GADL1: variants seen among roughly 807,000 people sequenced by gnomAD.
GADL1 encodes acidic amino acid decarboxylase GADL1.
In GADL1, 71 loss-of-function variants were observed where a neutral mutation model predicts 69.5. The observed-to-expected ratio is 1.02, with a 90% CI of 0.84 to 1.25. GADL1 has a LOEUF of 1.25. Ranked by LOEUF, GADL1 falls within the 50% of genes most tolerant of loss-of-function variation. The pLI, the probability that GADL1 is intolerant of heterozygous loss-of-function variation, is 0.00. For missense variants in GADL1, 737 were observed against 631.8 expected (o/e 1.17, Z -1.79); for synonymous variants, 254 against 214.4 (o/e 1.18, Z -1.62).
intron 1 of GADL1, among the ~76,000 whole-genome samples, chr3:30,879,906 T>C (rs1337443827): frequency 1.3e-5 from 2 of 151,880 alleles, no homozygotes; most frequent in African/African-American, 4.8e-5. Context: ...AATGATAAAA[T>C]TATTGTTTTG....
chr3:30,827,376 T>TACAATC (rs1218369821), intron 11 of GADL1, among the ~76,000 whole-genome samples: 5 of 151,834 alleles, frequency 3.3e-5, no homozygotes. Context: ...GATCAGATAG[T>TACAATC]ACAATCACAA....
At chr3:30,833,803 C>G (rs1018745203) in intron 11 of GADL1, 50 bp downstream of exon 11, 1 of 1,326,356 alleles carries the variant, frequency 7.5e-7, no homozygotes, top group Non-Finnish European at 1.1e-6. Flanking sequence ...TTGGCAAGCA[C>G]AGTGGCTTAA....
At chr3:30,730,706 G>T (rs569890747) in intron 14 of GADL1, among the ~76,000 whole-genome samples, 1 of 152,118 alleles carries the variant, frequency 6.6e-6, no homozygotes, top group African/African-American at 2.4e-5. Flanking sequence ...TAAATATAAA[G>T]ATACAAATAT....
chr3:30,834,976 A>C (rs1489408591), intron 9 of GADL1, among the ~76,000 whole-genome samples: 1 of 152,146 alleles, frequency 6.6e-6, no homozygotes, highest in Non-Finnish European at 1.5e-5. Context: ...GTGCAGACAT[A>C]AATTTTAATT....
intron 11 of GADL1, among the ~76,000 whole-genome samples, chr3:30,814,924 A>C (rs896853091): frequency 2.6e-5 from 4 of 151,950 alleles, no homozygotes; most frequent in African/African-American, 9.7e-5. Context: ...AGATTGTGCC[A>C]CTGCACTCCA....
At chr3:30,773,461 AAAAG>A (rs1239072297) in intron 14 of GADL1, among the ~76,000 whole-genome samples, 2 of 152,212 alleles carry the variant, frequency 1.3e-5, no homozygotes, top group Non-Finnish European at 1.5e-5. Flanking sequence ...AGAGAAATAT[AAAAG>A]AAATCGCCTG....
At chr3:30,892,848 ATATTTATTTTATT>A (rs1698802683) in intron 1 of GADL1, among the ~76,000 whole-genome samples, 2 of 152,226 alleles carry the variant, frequency 1.3e-5, no homozygotes, top group Non-Finnish European at 2.9e-5. Flanking sequence ...AAATAGCCAA[ATATTTATTTTATT>A]TATTTATTTT....
chr3:30,776,518 A>G (rs1684503988), intron 14 of GADL1, among the ~76,000 whole-genome samples: 1 of 152,220 alleles, frequency 6.6e-6, no homozygotes, highest in African/African-American at 2.4e-5. Context: ...CCTGAAATGG[A>G]TAAGGGCACA....
chr3:30,768,574 GGGA>G (rs1238042508), intron 14 of GADL1, among the ~76,000 whole-genome samples: 2 of 149,256 alleles, frequency 1.3e-5, no homozygotes, highest in East Asian at 4.1e-4. Flanking sequence ...GGTGGGGAGG[GGGA>G]GGAGAGGCGG....
intron 6 of GADL1, among the ~76,000 whole-genome samples, chr3:30,849,148 G>A (rs1245824666): frequency 6.6e-6 from 1 of 152,112 alleles, no homozygotes; most frequent in Admixed American, 6.6e-5. Context: ...ATAAGGAGCA[G>A]AGAGGCATCA....
chr3:30,814,524 T>C (rs1231943431), intron 11 of GADL1, among the ~76,000 whole-genome samples: 1 of 152,124 alleles, frequency 6.6e-6, no homozygotes, highest in African/African-American at 2.4e-5. Context: ...AAAGCTGCCA[T>C]AGAGGATATT....
intron 11 of GADL1, among the ~76,000 whole-genome samples, chr3:30,828,420 CTA>C (rs752898923): frequency 2.8e-5 from 4 of 141,008 alleles, no homozygotes; most frequent in Non-Finnish European, 6.1e-5. Flanking sequence ...TCCTCAATAA[CTA>C]TGTGTTGAAT....
chr3:30,795,362 C>T (rs1034338693), intron 12 of GADL1, among the ~76,000 whole-genome samples: 2 of 152,172 alleles, frequency 1.3e-5, no homozygotes, highest in African/African-American at 4.8e-5. Flanking sequence ...TTATGACTCA[C>T]AGAACCAGTG....
At chr3:30,765,078 C>CT (rs1293350022) in intron 14 of GADL1, among the ~76,000 whole-genome samples, 1 of 151,972 alleles carries the variant, frequency 6.6e-6, no homozygotes, top group Non-Finnish European at 1.5e-5. Context: ...AGAACCAAAA[C>CT]TAAATAGCAA....
At chr3:30,808,029 CGG>C (rs555884838) in intron 11 of GADL1, among the ~76,000 whole-genome samples, 1 of 151,804 alleles carries the variant, frequency 6.6e-6, no homozygotes, top group Non-Finnish European at 1.5e-5. Context: ...GAGACCCCTT[CGG>C]GGGGGAAATA....
At chr3:30,818,914 T>G (rs1311629054) in intron 11 of GADL1, among the ~76,000 whole-genome samples, 1 of 152,134 alleles carries the variant, frequency 6.6e-6, no homozygotes, top group Non-Finnish European at 1.5e-5. Context: ...GCCTGCTTCT[T>G]GCTTCATGCC....
intron 12 of GADL1, chr3:30,798,454 T>G (rs963201695): frequency 6.6e-6 from 1 of 152,204 alleles, no homozygotes; most frequent in Non-Finnish European, 1.5e-5. Context: ...GTGAGACTTA[T>G]GCACTACCAT....
At chr3:30,744,202 T>C (rs1294174363) in intron 14 of GADL1, among the ~76,000 whole-genome samples, 2 of 152,148 alleles carry the variant, frequency 1.3e-5, no homozygotes, top group Non-Finnish European at 2.9e-5. Flanking sequence ...TGGTAACTGT[T>C]GTTTGTTTGT....
chr3:30,873,274 T>C (rs2125541838), intron 1 of GADL1, among the ~76,000 whole-genome samples: 1 of 152,106 alleles, frequency 6.6e-6, no homozygotes, highest in South Asian at 2.1e-4. Flanking sequence ...ACTTTATATA[T>C]TTATATACAT....
Sources: allele counts gnomAD v4.1 joint callset (sites outside exome capture counted in the v4.1 genomes callset), GRCh38; gene constraint gnomAD v4.1.1; transcripts MANE v1.5; gene names NCBI Gene and HGNC (gene_info 2026-07-23, HGNC 2026-07-21).